The following PAFAH1B1 variants were observed in gnomAD, a reference collection of about 807,000 sequenced individuals.
PAFAH1B1 encodes the protein platelet activating factor acetylhydrolase 1b regulatory subunit 1.
PAFAH1B1 carries 2 observed loss-of-function variants against 57.5 expected under a neutral mutation model. That is an observed-to-expected ratio of 0.03 (90% CI 0.01 to 0.11). PAFAH1B1 has a LOEUF of 0.11. PAFAH1B1 is among the 10% of genes least tolerant of loss of function. The probability of loss-of-function intolerance (pLI) is 1.00; values close to 1 mark genes in which losing one functional copy is unlikely to be tolerated. For missense variants in PAFAH1B1, 257 were observed against 512.0 expected, an observed-to-expected ratio of 0.50 and a Z score of 4.81; for synonymous variants, 152 against 169.6, an observed-to-expected ratio of 0.90 and a Z score of 0.81.
chr17:2,603,345 G>C (rs1464003569), intron 1 of PAFAH1B1, among the ~76,000 whole-genome samples: 2 of 152,122 alleles, frequency 1.3e-5, no homozygotes, highest in Non-Finnish European at 2.9e-5. Context: ...TACAGGCCAG[G>C]CGCGGTGGCT....
At chr17:2,625,956 A>G (rs559586871) in intron 1 of PAFAH1B1, among the ~76,000 whole-genome samples, 52 of 152,112 alleles carry the variant, frequency 3.4e-4, no homozygotes, top group African/African-American at 1.2e-3. Context: ...AAAAACAGAA[A>G]AACGTTAATA....
chr17:2,604,822 A>G (rs1414847293), intron 1 of PAFAH1B1, among the ~76,000 whole-genome samples: 2 of 152,172 alleles, frequency 1.3e-5, no homozygotes, highest in East Asian at 3.8e-4. Flanking sequence ...AAAAAAAATA[A>G]TTGGAGTGAA....
intron 5 of PAFAH1B1, among the ~76,000 whole-genome samples, chr17:2,669,539 G>A (rs1011713190): frequency 3.9e-5 from 6 of 152,250 alleles, no homozygotes; most frequent in East Asian, 3.9e-4. Context: ...GATTACAGGC[G>A]TGAGCCACTG....
At chr17:2,647,419 A>T (rs562927721) in intron 2 of PAFAH1B1, among the ~76,000 whole-genome samples, 1 of 152,258 alleles carries the variant, frequency 6.6e-6, no homozygotes, top group East Asian at 1.9e-4. Context: ...CTGTAATCTC[A>T]GCTACTATTT....
chr17:2,620,180 G>A (rs996444050), intron 1 of PAFAH1B1, among the ~76,000 whole-genome samples: 3 of 152,094 alleles, frequency 2.0e-5, no homozygotes, highest in Non-Finnish European at 4.4e-5. Context: ...TTTGTTCCTT[G>A]TAGCTTAGAA....
chr17:2,595,169 T>A (rs995137612), intron 1 of PAFAH1B1, among the ~76,000 whole-genome samples: 1 of 152,178 alleles, frequency 6.6e-6, no homozygotes, highest in African/African-American at 2.4e-5. Context: ...CCCTCTTTCC[T>A]TAAGTGGCAG....
At position 2,669,147 on chromosome 17, in the gene PAFAH1B1, A is replaced by G. The variant is rs919033812; in HGVS notation, c.400-1016A>G. Among the ~76,000 whole-genome samples, 16 of 152,072 alleles carry G rather than the reference A, an allele frequency of 1.1e-4. 1 individual carries two copies. The highest frequency in any genetic ancestry group is 4.6e-4 in the Admixed American group (7 of 15,258). ...AAAAGTTTATACTTTTTGACCCACT[A>G]ATTGTTTCTCCCCATTACTGTCTGA... On this transcript the variant is annotated intron_variant, in intron 5 of 10. Transcript: ENST00000397195.
chr17:2,652,400 G>A (rs936162741), intron 2 of PAFAH1B1, among the ~76,000 whole-genome samples: 1 of 152,234 alleles, frequency 6.6e-6, no homozygotes, highest in African/African-American at 2.4e-5. Flanking sequence ...GGGCGGCAGA[G>A]CGAGACTCCG....
At chr17:2,613,587 CCCCCGTCAGCAGTGGCAGG>C (rs2068294955) in intron 1 of PAFAH1B1, 1 of 282,452 alleles carries the variant, frequency 3.5e-6, no homozygotes, top group African/African-American at 2.2e-5. Flanking sequence ...AGCGGGTGCT[CCCCCGTCAGCAGTGGCAGG>C]GTCTCCCCTT....
intron 2 of PAFAH1B1, among the ~76,000 whole-genome samples, chr17:2,664,248 G>A (rs1285916592): frequency 1.3e-5 from 2 of 152,040 alleles, no homozygotes; most frequent in Non-Finnish European, 2.9e-5. Context: ...AGTGTGTTTT[G>A]TTTTGTATTT....
intron 1 of PAFAH1B1, among the ~76,000 whole-genome samples, chr17:2,608,538 C>T (rs1373773172): frequency 6.6e-6 from 1 of 152,116 alleles, no homozygotes; most frequent in African/African-American, 2.4e-5. Context: ...TGTGGTGGCT[C>T]ACAACTGTAA....
chr17:2,660,000 C>T (rs912888745), intron 2 of PAFAH1B1, among the ~76,000 whole-genome samples: 1 of 152,052 alleles, frequency 6.6e-6, no homozygotes, highest in East Asian at 1.9e-4. Flanking sequence ...CAGTATAGCC[C>T]GGGGTGGTGT....
intron 1 of PAFAH1B1, among the ~76,000 whole-genome samples, chr17:2,620,691 G>A (rs1397174272): frequency 1.3e-5 from 2 of 151,900 alleles, no homozygotes; most frequent in African/African-American, 4.8e-5. Flanking sequence ...GTAAAACCCC[G>A]TCTCTACTAA....
chr17:2,635,098 G>A (rs2068604659), intron 1 of PAFAH1B1, among the ~76,000 whole-genome samples: 1 of 151,856 alleles, frequency 6.6e-6, no homozygotes, highest in Non-Finnish European at 1.5e-5. Context: ...GGGAGGCAGA[G>A]GTTGCAGTGA....
intron 2 of PAFAH1B1, among the ~76,000 whole-genome samples, chr17:2,664,015 T>C (rs2069058866): frequency 6.6e-6 from 1 of 151,224 alleles, no homozygotes; most frequent in Admixed American, 6.6e-5. Context: ...CTTCTGACCT[T>C]GTGATTTGCC....
At chr17:2,652,900 C>T (rs2068883240) in intron 2 of PAFAH1B1, among the ~76,000 whole-genome samples, 1 of 152,116 alleles carries the variant, frequency 6.6e-6, no homozygotes, top group Non-Finnish European at 1.5e-5. Context: ...TCATTTGACC[C>T]AGCCATCCCA....
chr17:2,621,606 T>TG (rs2068423080), intron 1 of PAFAH1B1, among the ~76,000 whole-genome samples: 2 of 66,770 alleles, frequency 3.0e-5, no homozygotes, highest in African/African-American at 2.9e-4. Context: ...AGATAATCTG[T>TG]CTTTTTTTTT....
intron 6 of PAFAH1B1, 144 bp from the exon 7 acceptor site, chr17:2,672,511 T>C (rs1055173335): frequency 7.6e-6 from 5 of 656,094 alleles, no homozygotes; most frequent in African/African-American, 7.3e-5. Flanking sequence ...AATCCAGGTT[T>C]CTTATCCAAT....
At chr17:2,648,722 A>G (rs1055750394) in intron 2 of PAFAH1B1, among the ~76,000 whole-genome samples, 3 of 151,600 alleles carry the variant, frequency 2.0e-5, no homozygotes, top group South Asian at 2.1e-4. Context: ...AACCCAAAAT[A>G]TAGAAAATGG....
Sources: gnomAD v4.1 joint callset for allele counts (sites outside exome capture counted in the v4.1 genomes callset) on GRCh38, gnomAD v4.1.1 for gene constraint, MANE v1.5 for transcripts, NCBI Gene and HGNC (gene_info 2026-07-23, HGNC 2026-07-21) for gene names.